LRRC38: variants seen among roughly 807,000 people sequenced by gnomAD.
LRRC38 encodes the protein leucine rich repeat containing 38.
LRRC38 carries 5 observed loss-of-function variants against 16.4 expected under a neutral mutation model. The ratio of observed to expected loss-of-function variants is 0.31; its 90% CI spans 0.16 to 0.64. LRRC38 has a LOEUF of 0.64. Ranked by LOEUF, LRRC38 falls within the 30% of genes least tolerant of loss-of-function variation. The pLI is 0.80. For missense variants in LRRC38, 341 were observed against 401.8 expected (o/e 0.85, Z 1.29); for synonymous variants, 191 against 190.2 (o/e 1.00, Z -0.04).
At position 13,487,008 on chromosome 1, in the gene LRRC38, G is replaced by T. The variant is rs454765; in HGVS notation, c.632-10909C>A. ...CTTGGGTGGATTGACTAAATAGATG[G>T]CTGGAACCCGTTCAGTCCAGCCAGC... On this transcript the variant is annotated intron_variant, in intron 1 of 1. Coordinates refer to ENST00000376085, the MANE Select transcript of LRRC38 (RefSeq NM_001010847.2). This position sits in a 1 kb window ranked among gnomAD's most constrained non-coding sequence, Gnocchi z 4.4. Among the ~76,000 whole-genome samples the T allele has an allele frequency of 0.098, 14,899 of 152,100 alleles. 2,458 individuals are homozygous for T. Among genetic ancestry groups the T allele is most frequent in the African/African-American group, 0.34 (14,068 of 41,414 alleles).
chr1:13,481,402 C>CT (rs1638854135), intron 1 of LRRC38, among the ~76,000 whole-genome samples: 1 of 130,198 alleles, frequency 7.7e-6, no homozygotes, highest in South Asian at 2.5e-4. Context: ...TTTTTTTGTT[C>CT]TTTTTTTGAG....
intron 1 of LRRC38, among the ~76,000 whole-genome samples, chr1:13,485,955 C>T (rs147177801): frequency 5.3e-4 from 81 of 152,236 alleles, no homozygotes; most frequent in South Asian, 2.9e-3. Flanking sequence ...TTTTTTGAGA[C>T]GGAGTCTCGC....
intron 1 of LRRC38, among the ~76,000 whole-genome samples, chr1:13,484,547 G>A (rs78996992): frequency 2.7e-4 from 41 of 152,358 alleles, no homozygotes; most frequent in African/African-American, 9.1e-4. Flanking sequence ...CCCAGAGGCC[G>A]ATGGTGCTGG....
intron 1 of LRRC38, among the ~76,000 whole-genome samples, chr1:13,498,587 C>T (rs1557502236): frequency 2.0e-5 from 3 of 152,094 alleles, no homozygotes; most frequent in Admixed American, 6.5e-5. Flanking sequence ...GCCAAAATTG[C>T]GCCACTGCAC....
At position 13,485,192 on chromosome 1, in the gene LRRC38, G is replaced by A. The variant is rs535922399; in HGVS notation, c.632-9093C>T. On this transcript the variant is annotated intron_variant, in intron 1 of 1. Coordinates refer to ENST00000376085, the MANE Select transcript of LRRC38 (RefSeq NM_001010847.2). ...CTCAGGAGGCTGAAGCAGGAGAATC[G>A]CTTGAACCCGGGAGGCGGAGGTTGT... Among the ~76,000 whole-genome samples the A allele has an allele frequency of 3.2e-4, 48 of 150,764 alleles. 1 individual carries two copies. The South Asian group carries it at 9.5e-3, about 30-fold the overall frequency.
intron 1 of LRRC38, among the ~76,000 whole-genome samples, chr1:13,481,465 C>T (rs1638855222): frequency 6.6e-6 from 1 of 151,454 alleles, no homozygotes; most frequent in South Asian, 2.1e-4. Context: ...GATCTCGGCT[C>T]ACTGCAAGCT....
chr1:13,499,622 A>AAAG (rs565097899), intron 1 of LRRC38, among the ~76,000 whole-genome samples: 158 of 152,290 alleles, frequency 1.0e-3, no homozygotes, highest in African/African-American at 3.6e-3. Flanking sequence ...GCTGGTTACA[A>AAAG]AAGTGTGTAC....
intron 1 of LRRC38, among the ~76,000 whole-genome samples, chr1:13,500,021 C>T (rs1014210093): frequency 2.0e-5 from 3 of 152,076 alleles, no homozygotes; most frequent in African/African-American, 7.2e-5. Flanking sequence ...GAGGCCGAGG[C>T]AGGCAGATCA....
chr1:13,477,961 G>C (rs1195347891), intron 1 of LRRC38, among the ~76,000 whole-genome samples: 1 of 152,176 alleles, frequency 6.6e-6, no homozygotes, highest in Non-Finnish European at 1.5e-5. Flanking sequence ...TGATGGTTAA[G>C]TTCTCTGAAT....
At position 13,487,017 on chromosome 1, in the gene LRRC38, C is replaced by T. The variant is rs981716151; in HGVS notation, c.632-10918G>A. On this transcript the variant is annotated intron_variant, in intron 1 of 1. Coordinates refer to ENST00000376085, the MANE Select transcript of LRRC38 (RefSeq NM_001010847.2). The surrounding 1 kb of genome is among the most constrained non-coding windows in gnomAD (Gnocchi z 4.4). ...ATTGACTAAATAGATGGCTGGAACC[C>T]GTTCAGTCCAGCCAGCAGCCCCACC... 1.3e-5 allele frequency among the ~76,000 whole-genome samples: 2 copies of T among 152,140 alleles called. No homozygotes were observed. The highest frequency in any genetic ancestry group is 2.4e-5 in the African/African-American group (1 of 41,404).
At chr1:13,511,037 T>A (rs1315879167) in intron 1 of LRRC38, among the ~76,000 whole-genome samples, 2 of 152,176 alleles carry the variant, frequency 1.3e-5, no homozygotes, top group Non-Finnish European at 2.9e-5. Context: ...CTCTCCCTAC[T>A]GGCTGAGACA....
chr1:13,489,437 C>G (rs1488140856), intron 1 of LRRC38, among the ~76,000 whole-genome samples: 1 of 152,108 alleles, frequency 6.6e-6, no homozygotes, highest in Admixed American at 6.6e-5. Flanking sequence ...CCTCCCTCCC[C>G]ACCCCTCTCC....
At chr1:13,504,783 G>A (rs1184784034) in intron 1 of LRRC38, among the ~76,000 whole-genome samples, 1 of 136,316 alleles carries the variant, frequency 7.3e-6, no homozygotes, top group East Asian at 2.2e-4. Flanking sequence ...GAAGGGGAGA[G>A]GGAAAGAAAG....
Position 13,513,190 on chromosome 1 carries a change from A to G in LRRC38, c.404T>C (p.Leu135Pro). The G allele has an allele frequency of 1.3e-6, 2 of 1,550,498 alleles. No homozygotes were observed. The highest frequency in any genetic ancestry group is 1.7e-6 in the Non-Finnish European group (2 of 1,146,952). ...RSAGRLVKLS[L>P]ANNNLVGVHE... ...CACGCCCACCAGGTTGTTGTTAGCC[A>G]GGCTAAGCTTCACCAGCCTCCCGGC... Residue 135 changes from leucine (L) to proline (P), a missense_variant, in exon 1 of 2, where the codon CTG (leucine) becomes CCG (proline). Coordinates refer to ENST00000376085, the MANE Select transcript of LRRC38 (RefSeq NM_001010847.2).
At chr1:13,506,813 A>G (rs1639218828) in intron 1 of LRRC38, among the ~76,000 whole-genome samples, 1 of 152,158 alleles carries the variant, frequency 6.6e-6, no homozygotes, top group Admixed American at 6.5e-5. Flanking sequence ...CCGGCCAAGC[A>G]CCTCATCCCT....
chr1:13,479,638 C>T (rs561427339), intron 1 of LRRC38, among the ~76,000 whole-genome samples: 23 of 152,140 alleles, frequency 1.5e-4, no homozygotes, highest in Non-Finnish European at 2.9e-4. Flanking sequence ...CCACCAGGGG[C>T]GGGGACTTTA....
intron 1 of LRRC38, among the ~76,000 whole-genome samples, chr1:13,481,173 G>A (rs538398876): frequency 1.6e-4 from 25 of 152,096 alleles, no homozygotes; most frequent in Middle Eastern, 3.4e-3. Flanking sequence ...GGGCAGTGGC[G>A]CGATCTCGAC....
chr1:13,501,159 AT>A (rs1569932885), intron 1 of LRRC38, among the ~76,000 whole-genome samples: 1 of 152,194 alleles, frequency 6.6e-6, no homozygotes, highest in East Asian at 1.9e-4. Flanking sequence ...ATATAGATAT[AT>A]ATACGCATAT....
intron 1 of LRRC38, among the ~76,000 whole-genome samples, chr1:13,491,430 G>C (rs538713776): frequency 6.6e-6 from 1 of 151,922 alleles, no homozygotes; most frequent in African/African-American, 2.4e-5. Flanking sequence ...GGGCTCAGGC[G>C]ATCCTCCCAC....
Sources: allele counts gnomAD v4.1 joint callset (sites outside exome capture counted in the v4.1 genomes callset), GRCh38; gene constraint gnomAD v4.1.1; non-coding constraint Gnocchi (gnomAD v3.1); transcripts MANE v1.5; gene names NCBI Gene and HGNC (gene_info 2026-07-23, HGNC 2026-07-21).